SLC4A4: variants seen among roughly 807,000 people sequenced by gnomAD.
SLC4A4 encodes solute carrier family 4 member 4.
Under a neutral mutation model 111.5 loss-of-function variants are expected in SLC4A4, and 27 were observed. The observed-to-expected ratio is 0.24, with a 90% CI of 0.18 to 0.33. The LOEUF (loss-of-function observed/expected upper bound fraction) is 0.33, where lower values mean the gene tolerates loss of function less well. Among genes scored for constraint, SLC4A4 ranks in the 10% least tolerant of loss-of-function variants. SLC4A4 has a pLI of 1.00. For missense variants in SLC4A4, 909 were observed against 1,315.5 expected, an observed-to-expected ratio of 0.69 and a Z score of 4.78; for synonymous variants, 443 against 463.4, an observed-to-expected ratio of 0.96 and a Z score of 0.57.
intron 6 of SLC4A4, among the ~76,000 whole-genome samples, chr4:71,358,041 G>A (rs528428161): frequency 6.6e-6 from 1 of 152,270 alleles, no homozygotes; most frequent in Non-Finnish European, 1.5e-5. Context: ...GAGGCCGGGC[G>A]CGGTGGCTCA....
chr4:71,318,117 AAAATAGAAGTATAAGTTTTGG>A (rs1726833691), intron 3 of SLC4A4, among the ~76,000 whole-genome samples: 2 of 152,176 alleles, frequency 1.3e-5, no homozygotes, highest in South Asian at 4.1e-4. Flanking sequence ...GTGATAATGG[AAAATAGAAGTATAAGTTTTGG>A]AAGAAAAGAC....
At chr4:71,447,863 C>T (rs1725375286) in intron 9 of SLC4A4, 130 bp downstream of exon 9, 2 of 731,362 alleles carry the variant, frequency 2.7e-6, no homozygotes, top group Non-Finnish European at 2.5e-6. Context: ...GAGGTACGGT[C>T]ATTTGAGACA....
At chr4:71,161,964 G>A (rs1744625931) in intron 2 of SLC4A4, among the ~76,000 whole-genome samples, 1 of 152,120 alleles carries the variant, frequency 6.6e-6, no homozygotes, top group Non-Finnish European at 1.5e-5. Flanking sequence ...TACTAATTGG[G>A]TATAGAATTA....
At chr4:71,232,370 C>A (rs1439191793) in intron 1 of SLC4A4, among the ~76,000 whole-genome samples, 1 of 152,094 alleles carries the variant, frequency 6.6e-6, no homozygotes, top group Non-Finnish European at 1.5e-5. Flanking sequence ...TTTCTACTAT[C>A]CCCTCCAGTT....
At chr4:71,312,816 A>G (rs951066252) in intron 3 of SLC4A4, among the ~76,000 whole-genome samples, 2 of 152,240 alleles carry the variant, frequency 1.3e-5, no homozygotes, top group Non-Finnish European at 2.9e-5. Flanking sequence ...AGCCAGTATC[A>G]TACTGAATGG....
At chr4:71,079,443 T>A (rs16845718) in intron 1 of SLC4A4, among the ~76,000 whole-genome samples, 33,467 of 152,062 alleles carry the variant, frequency 0.22, 3,726 homozygotes, top group South Asian at 0.23. Context: ...TCATCAAACC[T>A]TCAAGTACTA....
At chr4:71,565,541 G>A (rs907082743) in intron 24 of SLC4A4, among the ~76,000 whole-genome samples, 1 of 137,856 alleles carries the variant, frequency 7.3e-6, no homozygotes, top group African/African-American at 2.6e-5. Flanking sequence ...CTAGGCAAGA[G>A]GAAATGAATT....
In SLC4A4 at chr4:71,251,601, T is replaced by C. The variant is rs112302746; in HGVS notation, c.74-3619T>C. 2.2e-3 allele frequency among the ~76,000 whole-genome samples: 337 copies of C among 152,338 alleles called. 4 individuals are homozygous for C. The highest frequency in any genetic ancestry group is 7.5e-3 in the African/African-American group (312 of 41,582). ...GGGTATTTATTTGAACACATGATAC[T>C]GAAGCCACTGCCAAATCAAGGACTG... On this transcript the variant is annotated intron_variant, in intron 2 of 25. Transcript: ENST00000264485.
At position 71,525,209 on chromosome 4, in the gene SLC4A4, A is replaced by C. The variant is rs1733309079; in HGVS notation, c.2167-6853A>C. Among the ~76,000 whole-genome samples the C allele has an allele frequency of 2.0e-5, 3 of 152,140 alleles. No individual in the cohort carries two copies. The South Asian group carries it at 6.2e-4, about 31-fold the overall frequency. ...TATGTTTATTTGAATTTCCTTTTCC[A>C]TCCACTTAATTTCTTCTTTGCTTTG... On this transcript the variant is annotated intron_variant, in intron 16 of 25. Coordinates refer to ENST00000264485, the MANE Select transcript of SLC4A4 (RefSeq NM_001098484.3).
At chr4:71,538,645 G>C (rs1734776349) in intron 18 of SLC4A4, among the ~76,000 whole-genome samples, 1 of 152,070 alleles carries the variant, frequency 6.6e-6, no homozygotes, top group African/African-American at 2.4e-5. Flanking sequence ...GAGAGAGATA[G>C]AAGCATTGTG....
chr4:71,470,198 A>G (rs534026746), intron 13 of SLC4A4, among the ~76,000 whole-genome samples: 7 of 152,024 alleles, frequency 4.6e-5, no homozygotes, highest in South Asian at 2.1e-4. Context: ...AGTTTTTTCT[A>G]TAGTTTACTT....
intron 14 of SLC4A4, among the ~76,000 whole-genome samples, chr4:71,478,786 T>A (rs758181061): frequency 3.2e-4 from 49 of 151,888 alleles, no homozygotes; most frequent in Middle Eastern, 3.4e-3. Context: ...TGCAGTGAAG[T>A]AGAATACACA....
At chr4:71,157,070 T>A (rs2148975550) in intron 2 of SLC4A4, among the ~76,000 whole-genome samples, 1 of 152,350 alleles carries the variant, frequency 6.6e-6, no homozygotes, top group Admixed American at 6.5e-5. Flanking sequence ...GATTGTTTAA[T>A]TATTTATTCC....
intron 6 of SLC4A4, among the ~76,000 whole-genome samples, chr4:71,381,810 T>G (rs1292547423): frequency 6.6e-6 from 1 of 152,064 alleles, no homozygotes; most frequent in African/African-American, 2.4e-5. Flanking sequence ...TTTTTGTTTG[T>G]TTGTTTGTTT....
intron 16 of SLC4A4, among the ~76,000 whole-genome samples, chr4:71,508,209 T>C (rs1366067481): frequency 6.6e-6 from 1 of 152,032 alleles, no homozygotes; most frequent in Non-Finnish European, 1.5e-5. Flanking sequence ...ACCCGAAAGC[T>C]AGCAGAAGAC....
At chr4:71,523,167 C>G (rs1445532143) in intron 16 of SLC4A4, among the ~76,000 whole-genome samples, 1 of 149,792 alleles carries the variant, frequency 6.7e-6, no homozygotes, top group Non-Finnish European at 1.5e-5. Context: ...AAATAATGGG[C>G]ATGTATTATA....
Position 71,244,731 on chromosome 4 carries a change from C to T in SLC4A4, c.73+8082C>T, listed in dbSNP as rs79298153. ...CAACAGATTAGTTGATTAGTACTTA[C>T]GTTAACTCTTCTTACTAAATTTAAG... On this transcript the variant is annotated intron_variant, in intron 2 of 25. Transcript: ENST00000264485. 3.8e-3 allele frequency among the ~76,000 whole-genome samples: 578 copies of T among 150,824 alleles called. 4 individuals carry two copies. Among genetic ancestry groups the T allele is most frequent in the African/African-American group, 0.012 (507 of 41,148 alleles).
intron 1 of SLC4A4, among the ~76,000 whole-genome samples, chr4:71,210,248 C>T (rs1718049642): frequency 6.6e-6 from 1 of 152,166 alleles, no homozygotes; most frequent in African/African-American, 2.4e-5. Context: ...CTGCAACCCC[C>T]TGTGTAATTT....
At chr4:71,540,157 T>C (rs1404961304) in intron 18 of SLC4A4, among the ~76,000 whole-genome samples, 1 of 152,178 alleles carries the variant, frequency 6.6e-6, no homozygotes, top group African/African-American at 2.4e-5. Context: ...AGGAACCATG[T>C]CATGGCTCTT....
Sources: allele counts gnomAD v4.1 joint callset (sites outside exome capture counted in the v4.1 genomes callset), GRCh38; gene constraint gnomAD v4.1.1; transcripts MANE v1.5; gene names NCBI Gene and HGNC (gene_info 2026-07-23, HGNC 2026-07-21).